Variants in SSPN observed in about 807,000 individuals in gnomAD.
SSPN encodes sarcospan.
In SSPN, 15 loss-of-function variants were observed where a neutral mutation model predicts 19.1. The observed-to-expected ratio is 0.78, with a 90% CI of 0.52 to 1.21. The LOEUF (loss-of-function observed/expected upper bound fraction) is 1.21. Ranked by LOEUF, SSPN falls within the 50% of genes most tolerant of loss-of-function variation. The pLI, the probability that SSPN is intolerant of heterozygous loss-of-function variation, is 0.00. For synonymous variants in SSPN, 147 were observed against 140.3 expected (o/e 1.05, Z -0.34); for missense variants, 291 against 314.0 (o/e 0.93, Z 0.55).
At chr12:26,175,663 A>G (rs547870005) in intron 1 of SSPN, among the ~76,000 whole-genome samples, 2 of 152,270 alleles carry the variant, frequency 1.3e-5, no homozygotes, top group South Asian at 4.1e-4. Context: ...AGCTCAATAA[A>G]CCAACATTTG....
chr12:26,134,239 G>A (rs1465269009), intron 1 of SSPN, among the ~76,000 whole-genome samples: 1 of 152,022 alleles, frequency 6.6e-6, no homozygotes, highest in Non-Finnish European at 1.5e-5. Flanking sequence ...ACACTGTTTT[G>A]ATTGATTAGA....
chr12:26,225,462 A>G (rs1169537714), intron 2 of SSPN, among the ~76,000 whole-genome samples: 1 of 152,204 alleles, frequency 6.6e-6, no homozygotes, highest in Non-Finnish European at 1.5e-5. Flanking sequence ...CTTAATGAGC[A>G]TAGAAAATAC....
intron 1 of SSPN, among the ~76,000 whole-genome samples, chr12:26,175,906 G>A (rs1218106459): frequency 6.6e-6 from 1 of 150,464 alleles, no homozygotes; most frequent in African/African-American, 2.4e-5. Flanking sequence ...GCATGATCTT[G>A]GCTCACTGCA....
At chr12:26,129,323 T>C (rs541489079) in intron 1 of SSPN, among the ~76,000 whole-genome samples, 1 of 152,282 alleles carries the variant, frequency 6.6e-6, no homozygotes, top group South Asian at 2.1e-4. Context: ...AAGTTTTGGG[T>C]TGATGCTAAA....
chr12:26,172,959 A>G (rs1356531083), intron 1 of SSPN, among the ~76,000 whole-genome samples: 2 of 152,176 alleles, frequency 1.3e-5, no homozygotes, highest in African/African-American at 2.4e-5. Flanking sequence ...ATCTTTATCA[A>G]CAGCCCTGAG....
chr12:26,164,131 G>T (rs112210287), intron 1 of SSPN, among the ~76,000 whole-genome samples: 7 of 152,306 alleles, frequency 4.6e-5, no homozygotes, highest in African/African-American at 1.4e-4. Context: ...ACATACCACT[G>T]ATAATCACCT....
intron 1 of SSPN, chr12:26,125,074 C>G (rs1944352296): frequency 1.4e-5 from 7 of 512,562 alleles, no homozygotes; most frequent in South Asian, 1.2e-4. Flanking sequence ...AGACCAGCAC[C>G]CAGCTCACGT....
chr12:26,224,182 A>G, intron 1 of SSPN, 111 bp from the exon 2 acceptor site: 1 of 740,476 alleles, frequency 1.4e-6, no homozygotes, highest in Non-Finnish European at 2.3e-6. Flanking sequence ...AAGTAAAAGA[A>G]ACGGACAGCT....
intron 1 of SSPN, among the ~76,000 whole-genome samples, chr12:26,201,045 A>T (rs1470865679): frequency 2.0e-5 from 1 of 49,986 alleles, no homozygotes; most frequent in African/African-American, 7.9e-5. Flanking sequence ...ATATATATAT[A>T]TTATATATAT....
intron 1 of SSPN, among the ~76,000 whole-genome samples, chr12:26,143,144 A>C (rs184194488): frequency 6.6e-6 from 1 of 152,330 alleles, no homozygotes; most frequent in East Asian, 1.9e-4. Flanking sequence ...AATATAGCAG[A>C]TATTTTGGAA....
At chr12:26,133,118 C>G in intron 1 of SSPN, among the ~76,000 whole-genome samples, 1 of 152,242 alleles carries the variant, frequency 6.6e-6, no homozygotes, top group Non-Finnish European at 1.5e-5. Flanking sequence ...TCCTCATCAT[C>G]ATATACTTGA....
At chr12:26,160,140 G>A (rs907948303) in intron 1 of SSPN, among the ~76,000 whole-genome samples, 2 of 152,224 alleles carry the variant, frequency 1.3e-5, no homozygotes, top group Non-Finnish European at 1.5e-5. Context: ...TGTCCTGGTT[G>A]GAGCAGGCAC....
upstream of SSPN, chr12:26,195,433 C>T (rs1460205123): frequency 3.1e-6 from 2 of 648,964 alleles, no homozygotes; most frequent in Non-Finnish European, 4.4e-6. Flanking sequence ...CAAATCCTGC[C>T]CGGGGCCCGG....
chr12:26,165,299 C>T (rs1267132502), intron 1 of SSPN, among the ~76,000 whole-genome samples: 1 of 152,176 alleles, frequency 6.6e-6, no homozygotes, highest in Non-Finnish European at 1.5e-5. Context: ...AGTTCACTGC[C>T]CTTCCTGGTT....
upstream of SSPN, chr12:26,195,312 G>T (rs74075037): frequency 1.3e-5 from 3 of 235,344 alleles, no homozygotes; most frequent in East Asian, 2.5e-4. Flanking sequence ...CTGGAGTTTT[G>T]AGTGAGGAAA....
Position 26,230,989 on chromosome 12 carries a change from GATGTGGAAACATAGGTACCA to G in SSPN, c.646_665del (p.Met216GlyfsTer38). 6.2e-7 allele frequency: 1 copy of G among 1,614,222 alleles called. No individual in the cohort carries two copies. Among genetic ancestry groups the G allele is most frequent in the Non-Finnish European group, 8.5e-7 (1 of 1,180,052 alleles). On this transcript the variant is annotated frameshift_variant, in exon 3 of 3. Coordinates refer to ENST00000242729, the MANE Select transcript of SSPN (RefSeq NM_005086.5). LOFTEE classifies it high-confidence loss of function. ...TTGTGTGCTTGTTGGCCTGCTTTGTGATGTGGAAACATAGGTACCAGGTCTTCTATGTGGGTGTCAGGATA... is the reference window on the plus strand; with the variant it reads ...TTGTGTGCTTGTTGGCCTGCTTTGTGGGTCTTCTATGTGGGTGTCAGGATA...
intron 1 of SSPN, among the ~76,000 whole-genome samples, chr12:26,201,605 T>TAA (rs59736738): frequency 6.8e-6 from 1 of 147,420 alleles, no homozygotes; most frequent in Non-Finnish European, 1.5e-5. Context: ...TCTTCTTTTT[T>TAA]AAAAAAAAAA....
At chr12:26,206,795 T>A (rs1944934990) in intron 1 of SSPN, among the ~76,000 whole-genome samples, 1 of 152,370 alleles carries the variant, frequency 6.6e-6, no homozygotes, top group East Asian at 1.9e-4. Context: ...TTTGATTCTC[T>A]TACATTCTTT....
chr12:26,142,540 A>T (rs80017557), intron 1 of SSPN, among the ~76,000 whole-genome samples: 2,818 of 152,270 alleles, frequency 0.019, 207 homozygotes, highest in East Asian at 0.14. Flanking sequence ...TGGGAGGAGG[A>T]TATGAGACAG....
Sources: gnomAD v4.1 joint callset for allele counts (sites outside exome capture counted in the v4.1 genomes callset) on GRCh38, gnomAD v4.1.1 for gene constraint, MANE v1.5 for transcripts, NCBI Gene and HGNC (gene_info 2026-07-23, HGNC 2026-07-21) for gene names.